ASB17: variants seen among roughly 807,000 people sequenced by gnomAD.
ASB17 encodes ankyrin repeat and SOCS box protein 17.
In ASB17, 26 loss-of-function variants were observed where a neutral mutation model predicts 25.7. The observed-to-expected ratio is 1.01, with a 90% CI of 0.74 to 1.40. The LOEUF (loss-of-function observed/expected upper bound fraction) is 1.40, where lower values mean the gene tolerates loss of function less well. ASB17 is among the 40% of genes most tolerant of loss of function. ASB17 has a pLI of 0.00. For missense variants in ASB17, 326 were observed against 338.5 expected (o/e 0.96, Z 0.29); for synonymous variants, 128 against 121.4 (o/e 1.05, Z -0.36).
intron 1 of ASB17, among the ~76,000 whole-genome samples, chr1:75,923,253 T>A (rs2100610120): frequency 6.6e-6 from 1 of 152,300 alleles, no homozygotes; most frequent in Admixed American, 6.5e-5. Context: ...GAGAACCATA[T>A]CAGGTCCCTC....
intron 1 of ASB17, among the ~76,000 whole-genome samples, chr1:75,925,789 C>T (rs944246224): frequency 3.3e-5 from 5 of 151,638 alleles, no homozygotes; most frequent in Non-Finnish European, 7.4e-5. Flanking sequence ...ATTTTTTTCC[C>T]TTCTCATTCT....
rs1557546804 is a variant in ASB17 at position 75,932,084 on chromosome 1, A to AATC, written c.205_207dup (p.Asp69dup). On this transcript the variant is annotated inframe_insertion, in exon 1 of 3. Transcript: ENST00000284142. The stretch of plus-strand genomic sequence containing the variant: ...CCTGATTTTTCCACAAATGCAATGT[A>AATC]ATCTGTGAGTAGTGCGTCAAAACCA... 6.2e-7 allele frequency: 1 copy of AATC among 1,614,096 alleles called. No homozygotes were observed. Among genetic ancestry groups the AATC allele is most frequent in the South Asian group, 1.1e-5 (1 of 91,060 alleles).
chr1:75,927,721 G>GAGT (rs1467099437), intron 1 of ASB17, among the ~76,000 whole-genome samples: 1 of 151,948 alleles, frequency 6.6e-6, no homozygotes, highest in African/African-American at 2.4e-5. Flanking sequence ...TGGAGTGCTT[G>GAGT]AGTAGTCTAC....
At chr1:75,920,550 T>C (rs905217584) in intron 2 of ASB17, among the ~76,000 whole-genome samples, 8 of 152,212 alleles carry the variant, frequency 5.3e-5, no homozygotes, top group African/African-American at 1.9e-4. Context: ...CAATAAAATA[T>C]ATGTGCTGCG....
chr1:75,928,845 T>C (rs1424162379), intron 1 of ASB17, among the ~76,000 whole-genome samples: 1 of 152,146 alleles, frequency 6.6e-6, no homozygotes, highest in Non-Finnish European at 1.5e-5. Flanking sequence ...TGAGGATAGA[T>C]AGTGAGCAAA....
At chr1:75,921,223 A>T (rs1653019980) in intron 2 of ASB17, among the ~76,000 whole-genome samples, 1 of 152,206 alleles carries the variant, frequency 6.6e-6, no homozygotes, top group Admixed American at 6.5e-5. Flanking sequence ...AATTTGTTTT[A>T]AAAATGGGCT....
chr1:75,932,108 C>A lies in ASB17; in HGVS notation c.184G>T (p.Gly62Cys). 2 of 1,614,072 alleles carry A rather than the reference C, an allele frequency of 1.2e-6. No homozygotes were observed. Among genetic ancestry groups the A allele is most frequent in the Admixed American group, 1.7e-5 (1 of 60,024 alleles). Reference sequence around the variant, plus strand: ...TAATCTGTGAGTAGTGCGTCAAAACCATCCAAGTCCACATACCTCAGAATT... The same window carrying A: ...TAATCTGTGAGTAGTGCGTCAAAACAATCCAAGTCCACATACCTCAGAATT... ...AKILRYVDLDGFDALLTDYIA... is the reference protein window; with the variant it reads ...AKILRYVDLDCFDALLTDYIA... The change falls in exon 1 of 3, where the codon GGT becomes TGT. Residue 62 changes from glycine (G) to cysteine (C), a missense_variant. By Grantham distance (159) the Gly-to-Cys change is radical. Transcript: ENST00000284142.
Position 75,922,130 on chromosome 1 carries a change from A to G in ASB17, c.631T>C (p.Leu211=). The G allele has an allele frequency of 6.2e-7, 1 of 1,613,920 alleles. No homozygotes were observed. The highest frequency in any genetic ancestry group is 8.5e-7 in the Non-Finnish European group (1 of 1,179,900). ...ADIHEDAKTC[L]VLCSRVLSVI... is the part of the protein sequence containing the mutation. ...GAAAGCACTCTGGAACATAGTACCA[A>G]ACATGTTTTGGCATCTTCATGGATG... Residue 211 remains leucine (L), a synonymous_variant, in exon 2 of 3, where the codon TTG becomes CTG. Coordinates refer to ENST00000284142, the MANE Select transcript of ASB17 (RefSeq NM_080868.3).
At chr1:75,920,025 C>T (rs1652985739) in intron 2 of ASB17, among the ~76,000 whole-genome samples, 1 of 152,138 alleles carries the variant, frequency 6.6e-6, no homozygotes, top group Non-Finnish European at 1.5e-5. Flanking sequence ...GTCAACTTAG[C>T]CATATAGAAT....
At chr1:75,930,343 TATGTAA>T (rs1281452621) in intron 1 of ASB17, among the ~76,000 whole-genome samples, 2 of 145,432 alleles carry the variant, frequency 1.4e-5, no homozygotes, top group African/African-American at 5.0e-5. Context: ...AATATAAATA[TATGTAA>T]ATATAAATAT....
In ASB17 at chr1:75,918,944, G is replaced by T. The variant is rs763773276; in HGVS notation, c.*8C>A. The T allele has an allele frequency of 2.9e-5, 46 of 1,598,404 alleles. No individual in the cohort carries two copies. The highest frequency in any genetic ancestry group is 3.8e-5 in the Non-Finnish European group (44 of 1,166,168). On this transcript the variant is annotated 3_prime_UTR_variant, in exon 3 of 3. Transcript: ENST00000284142. ...GCATTGTTAAGGAACTTAGGACACT[G>T]ACGTATGTTAGATTTCTAAATTCAG...
At chr1:75,919,746 A>G (rs1436630459) in intron 2 of ASB17, among the ~76,000 whole-genome samples, 1 of 152,176 alleles carries the variant, frequency 6.6e-6, no homozygotes, top group Non-Finnish European at 1.5e-5. Flanking sequence ...ATAGTATTCC[A>G]TGGTGTATAT....
At chr1:75,922,670 A>AT (rs1653065248) in intron 1 of ASB17, among the ~76,000 whole-genome samples, 1 of 151,264 alleles carries the variant, frequency 6.6e-6, no homozygotes, top group Non-Finnish European at 1.5e-5. Flanking sequence ...CTAATTTTGT[A>AT]TTTTTAGTAG....
intron 1 of ASB17, among the ~76,000 whole-genome samples, chr1:75,923,132 C>T (rs1325386226): frequency 2.0e-5 from 3 of 152,006 alleles, no homozygotes; most frequent in Non-Finnish European, 4.4e-5. Context: ...CAGACATGAA[C>T]TTGAATTGAG....
chr1:75,921,905 A>T, intron 2 of ASB17, among the ~76,000 whole-genome samples, 175 bp downstream of exon 2: 1 of 152,156 alleles, frequency 6.6e-6, no homozygotes, highest in East Asian at 1.9e-4. Context: ...TAAAAACATA[A>T]GAAGTAAAGG....
intron 1 of ASB17, among the ~76,000 whole-genome samples, chr1:75,925,122 T>G (rs1653135944): frequency 6.6e-6 from 1 of 152,102 alleles, no homozygotes; most frequent in African/African-American, 2.4e-5. Flanking sequence ...TATTACGCAC[T>G]CAAATATTTG....
chr1:75,930,060 G>T (rs111935105), intron 1 of ASB17, among the ~76,000 whole-genome samples: 33 of 151,752 alleles, frequency 2.2e-4, no homozygotes, highest in African/African-American at 7.7e-4. Context: ...ATATAGAAGG[G>T]AGTTCAGAGC....
intron 1 of ASB17, among the ~76,000 whole-genome samples, chr1:75,927,116 G>T (rs774903301): frequency 1.3e-5 from 2 of 152,144 alleles, no homozygotes; most frequent in East Asian, 3.9e-4. Context: ...ATCAGCCAAG[G>T]AATGTAGATG....
At chr1:75,931,343 G>A (rs950230236) in intron 1 of ASB17, among the ~76,000 whole-genome samples, 2 of 152,118 alleles carry the variant, frequency 1.3e-5, no homozygotes, top group Non-Finnish European at 2.9e-5. Flanking sequence ...TATGCATTAG[G>A]TAGATTGACA....
Sources: allele counts gnomAD v4.1 joint callset (sites outside exome capture counted in the v4.1 genomes callset), GRCh38; gene constraint gnomAD v4.1.1; transcripts MANE v1.5; gene names NCBI Gene and HGNC (gene_info 2026-07-23, HGNC 2026-07-21).